The following MAST2 variants were observed in gnomAD, a reference collection of about 807,000 sequenced individuals.
MAST2 encodes microtubule-associated serine/threonine-protein kinase 2.
In MAST2, 70 loss-of-function variants were observed where a neutral mutation model predicts 147.4. That is an observed-to-expected ratio of 0.47 (90% confidence interval 0.39 to 0.58). The LOEUF (loss-of-function observed/expected upper bound fraction) is 0.58. Ranked by LOEUF, MAST2 falls within the 20% of genes least tolerant of loss-of-function variation. The pLI is 0.00. For missense variants in MAST2, 2,080 were observed against 2,302.3 expected (o/e 0.90, Z 1.98); for synonymous variants, 869 against 896.8 (o/e 0.97, Z 0.55).
At chr1:45,886,776 G>A (rs533172722) in intron 4 of MAST2, among the ~76,000 whole-genome samples, 15 of 152,226 alleles carry the variant, frequency 9.9e-5, no homozygotes, top group African/African-American at 3.6e-4. Context: ...TATAGTGGGG[G>A]CCTCTTTTTG....
At chr1:45,838,046 T>C (rs1221907645) in intron 3 of MAST2, among the ~76,000 whole-genome samples, 1 of 152,096 alleles carries the variant, frequency 6.6e-6, no homozygotes, top group African/African-American at 2.4e-5. Flanking sequence ...CCCAAAGTGC[T>C]GGGATTACAG....
intron 1 of MAST2, among the ~76,000 whole-genome samples, chr1:45,820,393 GA>G (rs1434618128): frequency 3.3e-5 from 5 of 151,992 alleles, no homozygotes; most frequent in African/African-American, 1.2e-4. Context: ...GTGTTTTTTA[GA>G]ATTTTTTTTT....
At chr1:45,933,571 C>T (rs1557928313) in intron 4 of MAST2, among the ~76,000 whole-genome samples, 2 of 144,000 alleles carry the variant, frequency 1.4e-5, no homozygotes, top group African/African-American at 5.2e-5. Flanking sequence ...GAAAACCCGT[C>T]TCTACTAAAA....
chr1:45,943,603 G>T (rs1177013007), intron 4 of MAST2, among the ~76,000 whole-genome samples: 2 of 151,962 alleles, frequency 1.3e-5, no homozygotes, highest in African/African-American at 4.8e-5. Flanking sequence ...AAATTAGCTG[G>T]GCGTGGTGAC....
intron 4 of MAST2, among the ~76,000 whole-genome samples, chr1:45,904,342 T>C (rs768686092): frequency 6.6e-6 from 1 of 151,896 alleles, no homozygotes; most frequent in Non-Finnish European, 1.5e-5. Context: ...CCCGGTTAAT[T>C]TTTATATTTT....
Position 46,031,656 on chromosome 1 carries a change from C to G in MAST2, c.3187+71C>G, listed in dbSNP as rs886793021. 6 of 1,441,828 alleles carry G rather than the reference C, an allele frequency of 4.2e-6. No homozygotes were observed. In the South Asian group the frequency reaches 7.7e-5, roughly 18 times the overall value. The allele number at this position is 1,441,828 out of a possible 1,614,324, so 89.3% of individuals were successfully genotyped here. On this transcript the variant is annotated intron_variant, in intron 24 of 28. Coordinates refer to ENST00000361297, the MANE Select transcript of MAST2 (RefSeq NM_015112.3). The surrounding 1 kb of genome is among the most constrained non-coding windows in gnomAD (Gnocchi z 4.1). ...GTAATCTCTAGGCCTTGGGAGGGTTCTGCACGTGGCAGGTGTGTGTGTGTG... is the reference window on the plus strand; with the variant it reads ...GTAATCTCTAGGCCTTGGGAGGGTTGTGCACGTGGCAGGTGTGTGTGTGTG...
intron 4 of MAST2, among the ~76,000 whole-genome samples, chr1:45,886,241 A>G (rs1341034099): frequency 6.7e-6 from 1 of 148,190 alleles, no homozygotes; most frequent in African/African-American, 2.5e-5. Context: ...TATATTATAT[A>G]TATTTATATA....
At chr1:45,895,335 C>A (rs1648553513) in intron 4 of MAST2, among the ~76,000 whole-genome samples, 1 of 151,884 alleles carries the variant, frequency 6.6e-6, no homozygotes, top group Admixed American at 6.6e-5. Flanking sequence ...GTTTTCATTT[C>A]TCTTGGGTAC....
intron 4 of MAST2, among the ~76,000 whole-genome samples, chr1:45,922,157 G>T (rs7519181): frequency 6.6e-6 from 1 of 151,988 alleles, no homozygotes; most frequent in African/African-American, 2.4e-5. Flanking sequence ...CTGAGTCCAG[G>T]GGCTTTTATG....
At chr1:45,915,369 C>A (rs1177824625) in intron 4 of MAST2, among the ~76,000 whole-genome samples, 1 of 152,162 alleles carries the variant, frequency 6.6e-6, no homozygotes, top group African/African-American at 2.4e-5. Flanking sequence ...AGACTCTAGA[C>A]CCATTGTATA....
At chr1:45,964,985 T>C (rs1304856156) in intron 5 of MAST2, among the ~76,000 whole-genome samples, 3 of 152,230 alleles carry the variant, frequency 2.0e-5, no homozygotes, top group African/African-American at 7.2e-5. Flanking sequence ...TACCCAGTAG[T>C]CATTCAGGAG....
chr1:45,945,716 T>C (rs1054236996), intron 4 of MAST2, among the ~76,000 whole-genome samples: 3 of 152,220 alleles, frequency 2.0e-5, no homozygotes, highest in African/African-American at 7.2e-5. Flanking sequence ...AAATACATAG[T>C]AATTACAGGA....
intron 3 of MAST2, among the ~76,000 whole-genome samples, chr1:45,830,951 G>T (rs900783893): frequency 6.6e-6 from 1 of 150,902 alleles, no homozygotes; most frequent in Non-Finnish European, 1.5e-5. Flanking sequence ...TGGGATAATC[G>T]CTTGAGCCTG....
At chr1:46,030,437 A>G (rs539856301) in intron 21 of MAST2, 170 bp from the exon 22 acceptor site, 2 of 872,076 alleles carry the variant, frequency 2.3e-6, no homozygotes, top group South Asian at 1.7e-5. Context: ...ATGAGATGCC[A>G]GGTCAGATCA....
chr1:46,035,228 A>T lies in MAST2; in HGVS notation c.4559A>T (p.Glu1520Val). 6.2e-7 allele frequency: 1 copy of T among 1,613,984 alleles called. No homozygotes were observed. The highest frequency in any genetic ancestry group is 8.5e-7 in the Non-Finnish European group (1 of 1,180,006). ...CCTGAGAACAGCCAGGGTGCACAGG[A>T]GCTGAGCTTGGCACCTCACCCAGAA... ...EGPENSQGAQELSLAPHPEVS... is the reference protein window; with the variant it reads ...EGPENSQGAQVLSLAPHPEVS... The change falls in exon 29 of 29, where the codon GAG becomes GTG. Residue 1520 changes from glutamate to valine, a missense_variant. Physicochemically the swap from Glu to Val is moderately radical, Grantham distance 121. Transcript: ENST00000361297. The surrounding 1 kb of genome is among the most constrained non-coding windows in gnomAD (Gnocchi z 5.5).
At chr1:45,842,752 T>C (rs1329776813) in intron 3 of MAST2, among the ~76,000 whole-genome samples, 1 of 152,220 alleles carries the variant, frequency 6.6e-6, no homozygotes, top group Non-Finnish European at 1.5e-5. Context: ...TGCTATGAAC[T>C]ATATGTATAC....
intron 4 of MAST2, among the ~76,000 whole-genome samples, chr1:45,893,274 C>T (rs1648152992): frequency 6.6e-6 from 1 of 152,140 alleles, no homozygotes; most frequent in South Asian, 2.1e-4. Context: ...TGTCATAGCT[C>T]ACGGCAGCCT....
chr1:45,841,203 C>T (rs1645263330), intron 3 of MAST2, among the ~76,000 whole-genome samples: 1 of 152,134 alleles, frequency 6.6e-6, no homozygotes, highest in Non-Finnish European at 1.5e-5. Flanking sequence ...ATCCTCCAGT[C>T]TCCACCTCTG....
chr1:45,948,566 A>G (rs1267344327), intron 4 of MAST2, among the ~76,000 whole-genome samples: 1 of 151,646 alleles, frequency 6.6e-6, no homozygotes. Context: ...AATTAGCTGC[A>G]TGTGGTGGTG....
Sources: allele counts gnomAD v4.1 joint callset (sites outside exome capture counted in the v4.1 genomes callset), GRCh38; gene constraint gnomAD v4.1.1; non-coding constraint Gnocchi (gnomAD v3.1); transcripts MANE v1.5; gene names NCBI Gene and HGNC (gene_info 2026-07-23, HGNC 2026-07-21).